The following KCNJ16 variants were observed in gnomAD, a reference collection of about 807,000 sequenced individuals.
KCNJ16 encodes inward rectifier potassium channel 16.
KCNJ16 carries 15 observed loss-of-function variants against 18.5 expected under a neutral mutation model. The ratio of observed to expected loss-of-function variants is 0.81; its 90% confidence interval spans 0.54 to 1.25. The LOEUF (loss-of-function observed/expected upper bound fraction) is 1.25, where lower values mean the gene tolerates loss of function less well. KCNJ16 is among the 50% of genes most tolerant of loss of function. The probability of loss-of-function intolerance (pLI) is 0.00; values close to 1 mark genes in which losing one functional copy is unlikely to be tolerated. For missense variants in KCNJ16, 523 were observed against 525.7 expected, an observed-to-expected ratio of 0.99 and a Z score of 0.05; for synonymous variants, 174 against 186.5, an observed-to-expected ratio of 0.93 and a Z score of 0.55.
chr17:70,086,732 T>C (rs79575069), intron 1 of KCNJ16, among the ~76,000 whole-genome samples: 8 of 152,312 alleles, frequency 5.3e-5, no homozygotes, highest in African/African-American at 1.4e-4. Flanking sequence ...TTTTACGTAA[T>C]TGCAGCTTTT....
intron 1 of KCNJ16, among the ~76,000 whole-genome samples, chr17:70,098,724 G>A (rs2072495692): frequency 6.6e-6 from 1 of 152,056 alleles, no homozygotes; most frequent in Non-Finnish European, 1.5e-5. Flanking sequence ...CTTTTTCTAT[G>A]ACTTTATGTA....
chr17:70,105,399 G>A (rs2072878542), intron 2 of KCNJ16, among the ~76,000 whole-genome samples: 1 of 152,190 alleles, frequency 6.6e-6, no homozygotes, highest in African/African-American at 2.4e-5. Context: ...CTGACGTGGA[G>A]CAACGTGGAA....
intron 2 of KCNJ16, among the ~76,000 whole-genome samples, chr17:70,130,504 T>A (rs1215211866): frequency 6.6e-6 from 1 of 152,152 alleles, no homozygotes; most frequent in Non-Finnish European, 1.5e-5. Flanking sequence ...TGGCTTTAAG[T>A]GGAGTCCATC....
In KCNJ16 at chr17:70,133,266, C is replaced by A. The variant is rs2074131608; in HGVS notation, c.1179C>A (p.Ala393=). Residue 393 remains alanine (A), a synonymous_variant, in exon 4 of 4, where the codon GCC becomes GCA. Coordinates refer to ENST00000392671, the MANE Select transcript of KCNJ16 (RefSeq NM_170741.4). The part of the protein sequence containing the change: ...CENPEETTTS[A]THEYRETPYQ... ...ACCCTGAGGAGACCACCACTTCCGC[C>A]ACACATGAATATAGGGAAACACCTT... 6.2e-7 allele frequency: 1 copy of A among 1,614,114 alleles called. No individual in the cohort carries two copies. Among genetic ancestry groups the A allele is most frequent in the South Asian group, 1.1e-5 (1 of 91,082 alleles).
intron 2 of KCNJ16, among the ~76,000 whole-genome samples, chr17:70,125,653 A>G (rs1232737255): frequency 6.6e-6 from 1 of 152,326 alleles, no homozygotes; most frequent in East Asian, 1.9e-4. Context: ...GGAATGGGCC[A>G]GGTGCCGTGG....
At chr17:70,112,043 G>A (rs1213201679) in intron 2 of KCNJ16, among the ~76,000 whole-genome samples, 1 of 152,200 alleles carries the variant, frequency 6.6e-6, no homozygotes, top group East Asian at 1.9e-4. Flanking sequence ...ACATCAGAGT[G>A]GTCCTGCTCA....
At chr17:70,114,190 G>C (rs762273240) in intron 2 of KCNJ16, among the ~76,000 whole-genome samples, 4 of 152,072 alleles carry the variant, frequency 2.6e-5, no homozygotes, top group Admixed American at 6.6e-5. Context: ...GCTTAAAACA[G>C]AAACCCAATC....
chr17:70,111,214 T>A (rs145528832), intron 2 of KCNJ16, among the ~76,000 whole-genome samples: 297 of 152,284 alleles, frequency 2.0e-3, no homozygotes, highest in Non-Finnish European at 3.1e-3. Flanking sequence ...CAATGCTAGT[T>A]TTTTTGCTTA....
intron 2 of KCNJ16, among the ~76,000 whole-genome samples, chr17:70,109,000 C>A (rs1254855593): frequency 3.3e-5 from 5 of 152,086 alleles, no homozygotes; most frequent in Non-Finnish European, 2.9e-5. Flanking sequence ...CTCTAAAACT[C>A]ATCTCAGGTG....
At position 70,131,993 on chromosome 17, in the gene KCNJ16, A is replaced by G. The variant is rs757654919; in HGVS notation, c.-93-2A>G. On this transcript the variant is annotated splice_acceptor_variant, in intron 3 of 3. Coordinates refer to ENST00000392671, the MANE Select transcript of KCNJ16 (RefSeq NM_170741.4). LOFTEE classifies it low-confidence loss of function (5UTR_SPLICE). ...TGTGTTTTTGTTGTTGTTGTTTTTT[A>G]GGTTCTAACTGAAAACCCAAACCAA... 16 of 1,561,860 alleles carry G rather than the reference A, an allele frequency of 1.0e-5. No individual in the cohort carries two copies. The highest frequency in any genetic ancestry group is 1.4e-5 in the Non-Finnish European group (16 of 1,157,504).
chr17:70,131,140 C>T (rs1002858801), intron 3 of KCNJ16, among the ~76,000 whole-genome samples, 165 bp downstream of exon 3: 5 of 142,766 alleles, frequency 3.5e-5, no homozygotes, highest in African/African-American at 1.3e-4. Flanking sequence ...AGATTAGCAA[C>T]TTTGGCAAAT....
At chr17:70,089,486 T>TTTTG (rs1384669820) in intron 1 of KCNJ16, among the ~76,000 whole-genome samples, 1 of 152,156 alleles carries the variant, frequency 6.6e-6, no homozygotes, top group African/African-American at 2.4e-5. Context: ...CATTTAAAAT[T>TTTTG]TTTGTTTGTT....
chr17:70,084,443 A>C (rs2071702743), intron 1 of KCNJ16, among the ~76,000 whole-genome samples: 1 of 152,222 alleles, frequency 6.6e-6, no homozygotes, highest in African/African-American at 2.4e-5. Context: ...AAATGAGATT[A>C]ATACACACAA....
At chr17:70,128,866 A>G (rs1177647002) in intron 2 of KCNJ16, 1 of 152,300 alleles carries the variant, frequency 6.6e-6, no homozygotes, top group Non-Finnish European at 1.5e-5. Context: ...TGAGGTCTAC[A>G]ATGGCGTCAG....
intron 2 of KCNJ16, among the ~76,000 whole-genome samples, chr17:70,110,045 C>A (rs2073118433): frequency 6.6e-6 from 1 of 152,162 alleles, no homozygotes; most frequent in South Asian, 2.1e-4. Flanking sequence ...ACAATACATA[C>A]TTTAATCCTG....
In KCNJ16 at chr17:70,132,575, T is replaced by G. The variant is rs372059282; in HGVS notation, c.488T>G (p.Phe163Cys). The G allele has an allele frequency of 6.2e-6, 10 of 1,614,070 alleles. No homozygotes were observed. The African/African-American group carries it at 1.3e-4, about 22-fold the overall frequency. Residue 163 changes from phenylalanine (F) to cysteine (C), a missense_variant, in exon 4 of 4, where the codon TTT (phenylalanine) becomes TGT (cysteine). Transcript: ENST00000392671. The stretch of plus-strand genomic sequence containing the variant: ...ATCTTAAGTTGCATCATAAATACCT[T>G]TATCATTGGAGCTGCCTTGGCCAAA... ...QSILSCIINTFIIGAALAKMA... is the reference protein window; with the variant it reads ...QSILSCIINTCIIGAALAKMA...
intron 2 of KCNJ16, among the ~76,000 whole-genome samples, chr17:70,111,167 T>C (rs1408301771): frequency 6.6e-6 from 1 of 152,184 alleles, no homozygotes; most frequent in Admixed American, 6.6e-5. Flanking sequence ...CATTAACCAT[T>C]ATGCACCACT....
At chr17:70,085,123 T>C (rs1361423688) in intron 1 of KCNJ16, among the ~76,000 whole-genome samples, 3 of 152,196 alleles carry the variant, frequency 2.0e-5, no homozygotes, top group Non-Finnish European at 2.9e-5. Flanking sequence ...CACATCTCAA[T>C]TGTTCTGTCC....
chr17:70,082,383 T>C (rs2071594230), intron 1 of KCNJ16, among the ~76,000 whole-genome samples: 1 of 152,154 alleles, frequency 6.6e-6, no homozygotes, highest in Admixed American at 6.5e-5. Context: ...GATGGGAGAA[T>C]GTTTTTAGTG....
Sources: gnomAD v4.1 joint callset for allele counts (sites outside exome capture counted in the v4.1 genomes callset) on GRCh38, gnomAD v4.1.1 for gene constraint, MANE v1.5 for transcripts, NCBI Gene and HGNC (gene_info 2026-07-23, HGNC 2026-07-21) for gene names.